Variants in CNTNAP2 observed in about 807,000 individuals in gnomAD.
CNTNAP2 encodes the protein contactin associated protein 2, also known as contactin-associated protein-like 2.
A neutral mutation model predicts 155.2 loss-of-function variants in CNTNAP2; 98 were observed. That is an observed-to-expected ratio of 0.63 (90% CI 0.54 to 0.75). The LOEUF (loss-of-function observed/expected upper bound fraction) is 0.75. CNTNAP2 is among the 30% of genes least tolerant of loss of function. CNTNAP2 has a pLI of 0.00. For synonymous variants in CNTNAP2, 651 were observed against 631.2 expected, an observed-to-expected ratio of 1.03 and a Z score of -0.47; for missense variants, 1,727 against 1,688.1, an observed-to-expected ratio of 1.02 and a Z score of -0.40.
intron 1 of CNTNAP2, among the ~76,000 whole-genome samples, chr7:146,700,520 A>G (rs771746538): frequency 6.6e-5 from 10 of 152,116 alleles, no homozygotes; most frequent in Non-Finnish European, 1.5e-4. Context: ...AATTATACCT[A>G]AAGGCATTGT....
At chr7:146,704,870 A>G (rs1800937008) in intron 1 of CNTNAP2, among the ~76,000 whole-genome samples, 1 of 152,136 alleles carries the variant, frequency 6.6e-6, no homozygotes, top group Non-Finnish European at 1.5e-5. Flanking sequence ...AAGCATACCT[A>G]TGGGCTCTAA....
At position 146,232,305 on chromosome 7, in the gene CNTNAP2, A is replaced by AATATAAT. The variant is rs59860211; in HGVS notation, c.97+115334_97+115335insATAATAT. On this transcript the variant is annotated intron_variant, in intron 1 of 23. Transcript: ENST00000361727. ...TAATTTTATATATTAAATAATATATAATTTTAATTGACAGATAAATTGCAT... is the reference window on the plus strand; with the variant it reads ...TAATTTTATATATTAAATAATATATAATATAATATTTTAATTGACAGATAAATTGCAT... Among the ~76,000 whole-genome samples, 19 of 149,242 alleles carry AATATAAT rather than the reference A, an allele frequency of 1.3e-4. No individual in the cohort carries two copies. The East Asian group carries it at 2.5e-3, about 20-fold the overall frequency.
intron 22 of CNTNAP2, among the ~76,000 whole-genome samples, chr7:148,389,239 G>C (rs1384120734): frequency 1.3e-5 from 2 of 152,184 alleles, no homozygotes; most frequent in East Asian, 3.8e-4. Flanking sequence ...ATTCCCATGT[G>C]TTGTGGGAGG....
chr7:147,712,578 A>T (rs1057433900), intron 13 of CNTNAP2, among the ~76,000 whole-genome samples: 3 of 152,206 alleles, frequency 2.0e-5, no homozygotes, highest in Non-Finnish European at 2.9e-5. Context: ...AAAAAGGATG[A>T]GTTCATGTCC....
At chr7:146,644,851 C>T (rs1799782375) in intron 1 of CNTNAP2, among the ~76,000 whole-genome samples, 1 of 151,994 alleles carries the variant, frequency 6.6e-6, no homozygotes, top group Non-Finnish European at 1.5e-5. Flanking sequence ...AGCTTACCAA[C>T]CAAAACGAGT....
chr7:147,146,948 G>C (rs1801716603), intron 8 of CNTNAP2, among the ~76,000 whole-genome samples: 1 of 152,254 alleles, frequency 6.6e-6, no homozygotes, highest in South Asian at 2.1e-4. Flanking sequence ...TTAATTTCTT[G>C]TTTTCCCACA....
At chr7:146,218,314 C>T (rs1263471482) in intron 1 of CNTNAP2, among the ~76,000 whole-genome samples, 2 of 152,132 alleles carry the variant, frequency 1.3e-5, no homozygotes, top group Admixed American at 1.3e-4. Flanking sequence ...TGGAGACCAT[C>T]CTGGCTAACA....
At chr7:147,253,292 A>AT (rs1427478221) in intron 8 of CNTNAP2, among the ~76,000 whole-genome samples, 1 of 151,824 alleles carries the variant, frequency 6.6e-6, no homozygotes, top group Non-Finnish European at 1.5e-5. Flanking sequence ...CAGAAGCACC[A>AT]TTTTTAACAA....
chr7:146,933,687 C>T (rs925294300), intron 3 of CNTNAP2, among the ~76,000 whole-genome samples: 2 of 149,806 alleles, frequency 1.3e-5, no homozygotes, highest in African/African-American at 4.9e-5. Context: ...GCAACCTACT[C>T]ATCTGACAAA....
chr7:147,833,349 G>T (rs1003181107), intron 13 of CNTNAP2, among the ~76,000 whole-genome samples: 1 of 152,014 alleles, frequency 6.6e-6, no homozygotes, highest in African/African-American at 2.4e-5. Flanking sequence ...TAATCTCTCC[G>T]AGCTTCAACC....
rs142681207 is a variant in CNTNAP2 at position 146,526,572 on chromosome 7, G to A, written c.98-247699G>A. 6.9e-3 allele frequency among the ~76,000 whole-genome samples: 1,046 copies of A among 152,218 alleles called. 13 individuals are homozygous for A. Among genetic ancestry groups the A allele is most frequent in the African/African-American group, 0.021 (872 of 41,542 alleles). ...GGGGATGGTGCTCAACCATTCCTGA[G>A]AAATCCTCCCCCATGATCCAGTGAC... On this transcript the variant is annotated intron_variant, in intron 1 of 23. Coordinates refer to ENST00000361727, the MANE Select transcript of CNTNAP2 (RefSeq NM_014141.6).
intron 9 of CNTNAP2, among the ~76,000 whole-genome samples, chr7:147,344,413 G>T (rs1364720408): frequency 6.8e-6 from 1 of 146,448 alleles, no homozygotes; most frequent in African/African-American, 2.5e-5. Flanking sequence ...TTAGGCAGAG[G>T]TAACACTAGG....
chr7:146,774,139 C>T (rs1802345579), intron 1 of CNTNAP2, 132 bp from the exon 2 acceptor site: 1 of 709,716 alleles, frequency 1.4e-6, no homozygotes, highest in Admixed American at 2.1e-5. Context: ...TGCCTAAATT[C>T]CTTTGCTAAA....
At chr7:146,746,101 C>G (rs1801806013) in intron 1 of CNTNAP2, among the ~76,000 whole-genome samples, 1 of 152,084 alleles carries the variant, frequency 6.6e-6, no homozygotes, top group Non-Finnish European at 1.5e-5. Flanking sequence ...TAGAGTGGAA[C>G]TTTTTGTTAA....
At chr7:147,776,545 T>G (rs1225950245) in intron 13 of CNTNAP2, among the ~76,000 whole-genome samples, 2 of 152,122 alleles carry the variant, frequency 1.3e-5, no homozygotes, top group Non-Finnish European at 2.9e-5. Context: ...ACCCTCAATT[T>G]TTACTTAGCT....
intron 1 of CNTNAP2, among the ~76,000 whole-genome samples, chr7:146,335,591 G>A (rs1032542196): frequency 2.0e-5 from 3 of 152,122 alleles, no homozygotes; most frequent in Non-Finnish European, 4.4e-5. Context: ...TGCTTTTGAC[G>A]GTTTTCTCTG....
chr7:146,429,571 G>C (rs79007344), intron 1 of CNTNAP2, among the ~76,000 whole-genome samples: 1 of 152,050 alleles, frequency 6.6e-6, no homozygotes, highest in African/African-American at 2.4e-5. Context: ...TTTTCACATT[G>C]ATTTTGTATC....
chr7:146,381,822 G>A (rs1795393314), intron 1 of CNTNAP2, among the ~76,000 whole-genome samples: 2 of 152,072 alleles, frequency 1.3e-5, no homozygotes, highest in Admixed American at 1.3e-4. Context: ...AAATACAATC[G>A]TATTTTTTTA....
chr7:146,139,820 T>C (rs933143853), intron 1 of CNTNAP2, among the ~76,000 whole-genome samples: 1 of 152,180 alleles, frequency 6.6e-6, no homozygotes, highest in Non-Finnish European at 1.5e-5. Context: ...ATTTGTAAAA[T>C]AATTGGGGCA....
Sources: gnomAD v4.1 joint callset for allele counts (sites outside exome capture counted in the v4.1 genomes callset) on GRCh38, gnomAD v4.1.1 for gene constraint, MANE v1.5 for transcripts, NCBI Gene and HGNC (gene_info 2026-07-23, HGNC 2026-07-21) for gene names.